The following MACROD2 variants were observed in gnomAD, a reference collection of about 807,000 sequenced individuals.
MACROD2 encodes the protein mono-ADP ribosylhydrolase 2, also known as ADP-ribose glycohydrolase MACROD2.
A neutral mutation model predicts 70.4 loss-of-function variants in MACROD2; 36 were observed. The observed-to-expected ratio is 0.51, with a 90% CI of 0.39 to 0.68. The LOEUF (loss-of-function observed/expected upper bound fraction) is 0.68, where lower values mean the gene tolerates loss of function less well. Ranked by LOEUF, MACROD2 falls within the 30% of genes least tolerant of loss-of-function variation. The pLI is 0.00. For missense variants in MACROD2, 496 were observed against 538.4 expected (o/e 0.92, Z 0.78); for synonymous variants, 172 against 178.8 (o/e 0.96, Z 0.30).
chr20:15,470,307 C>T (rs969646091), intron 7 of MACROD2, among the ~76,000 whole-genome samples: 1 of 152,202 alleles, frequency 6.6e-6, no homozygotes, highest in Non-Finnish European at 1.5e-5. Flanking sequence ...CCTATGCCTC[C>T]TAAAGTGCTG....
Position 15,762,798 on chromosome 20 carries a change from A to T in MACROD2, c.646-99947A>T, listed in dbSNP as rs993604586. ...TCCAGATATTCATGAGCACTACTAA[A>T]CGATCATTGCTATCTGAGTTTTGTC... On this transcript the variant is annotated intron_variant, in intron 8 of 17. Transcript: ENST00000684519. Among the ~76,000 whole-genome samples, 16 of 152,176 alleles carry T rather than the reference A, an allele frequency of 1.1e-4. 1 individual carries two copies. Among genetic ancestry groups the T allele is most frequent in the Admixed American group, 1.0e-3 (16 of 15,274 alleles).
intron 5 of MACROD2, among the ~76,000 whole-genome samples, chr20:14,934,355 C>G (rs1017776563): frequency 1.3e-5 from 2 of 152,144 alleles, no homozygotes; most frequent in African/African-American, 2.4e-5. Flanking sequence ...ATAATGAGAG[C>G]AGCAGCATAG....
intron 2 of MACROD2, among the ~76,000 whole-genome samples, chr20:14,012,003 A>C (rs989348798): frequency 1.3e-5 from 2 of 152,032 alleles, no homozygotes; most frequent in East Asian, 1.9e-4. Context: ...TCGCCTCCCA[A>C]GTTCAAGTGA....
chr20:14,745,234 T>TA (rs1169196748), intron 5 of MACROD2, among the ~76,000 whole-genome samples: 2 of 152,154 alleles, frequency 1.3e-5, no homozygotes, highest in South Asian at 2.1e-4. Flanking sequence ...TATATCCAAC[T>TA]AAAAAAATTA....
chr20:14,399,238 C>T (rs2083612917), intron 3 of MACROD2, among the ~76,000 whole-genome samples: 1 of 152,146 alleles, frequency 6.6e-6, no homozygotes, highest in Non-Finnish European at 1.5e-5. Flanking sequence ...TTAGGCTGGT[C>T]TTGAACTCCT....
chr20:14,543,670 G>A (rs2085459360), intron 4 of MACROD2, among the ~76,000 whole-genome samples: 1 of 152,096 alleles, frequency 6.6e-6, no homozygotes, highest in Non-Finnish European at 1.5e-5. Context: ...TCCTCAACTT[G>A]CAATAGGGTT....
chr20:15,786,617 C>A (rs533393170), intron 8 of MACROD2, among the ~76,000 whole-genome samples: 1 of 152,268 alleles, frequency 6.6e-6, no homozygotes, highest in Admixed American at 6.5e-5. Flanking sequence ...AATTATCTCA[C>A]ATATGCAAGA....
intron 7 of MACROD2, among the ~76,000 whole-genome samples, chr20:15,457,177 C>G (rs2146405561): frequency 6.8e-6 from 1 of 147,834 alleles, no homozygotes; most frequent in Non-Finnish European, 1.5e-5. Context: ...TTCTGAAATT[C>G]TAGTGCTCAA....
intron 3 of MACROD2, among the ~76,000 whole-genome samples, chr20:14,432,447 T>G (rs1189442747): frequency 6.6e-6 from 1 of 151,880 alleles, no homozygotes; most frequent in Non-Finnish European, 1.5e-5. Flanking sequence ...ATTCAATGCC[T>G]AAAGTAGTAT....
intron 8 of MACROD2, among the ~76,000 whole-genome samples, chr20:15,792,966 A>G (rs2063638371): frequency 6.6e-6 from 1 of 152,186 alleles, no homozygotes; most frequent in South Asian, 2.1e-4. Context: ...TGAAAGGCTA[A>G]ATAATCTTAA....
chr20:15,700,067 C>T (rs6034264), intron 8 of MACROD2, among the ~76,000 whole-genome samples: 14,990 of 152,168 alleles, frequency 0.099, 2,444 homozygotes, highest in African/African-American at 0.34. Flanking sequence ...GAGGGTCTCC[C>T]TTTCTCAGTT....
intron 8 of MACROD2, among the ~76,000 whole-genome samples, chr20:15,690,734 T>A (rs148807161): frequency 2.0e-4 from 31 of 152,308 alleles, no homozygotes; most frequent in Admixed American, 7.2e-4. Flanking sequence ...ATTAAACAAC[T>A]GTGGTCTTGC....
At chr20:15,447,779 T>C (rs2146387460) in intron 7 of MACROD2, among the ~76,000 whole-genome samples, 1 of 152,254 alleles carries the variant, frequency 6.6e-6, no homozygotes, top group East Asian at 1.9e-4. Context: ...GTAAAATCAA[T>C]GAAGCTGTTT....
At chr20:14,539,982 G>A (rs563944679) in intron 4 of MACROD2, among the ~76,000 whole-genome samples, 28 of 152,184 alleles carry the variant, frequency 1.8e-4, no homozygotes, top group Middle Eastern at 6.8e-3. Context: ...TTTTGAGACC[G>A]TTTTGCCCTT....
intron 3 of MACROD2, among the ~76,000 whole-genome samples, chr20:14,413,199 T>G (rs2083768474): frequency 6.6e-6 from 1 of 150,790 alleles, no homozygotes; most frequent in African/African-American, 2.4e-5. Flanking sequence ...ACCACTGTTT[T>G]TTTTTTTGTC....
intron 16 of MACROD2, 62 bp downstream of exon 16, chr20:16,041,340 A>T (rs2067305197): frequency 7.4e-7 from 1 of 1,342,778 alleles, no homozygotes; most frequent in East Asian, 2.4e-5. Context: ...TCTATGTGTA[A>T]TCTAGGATTA....
At chr20:14,796,758 T>C (rs1016132911) in intron 5 of MACROD2, among the ~76,000 whole-genome samples, 30 of 152,092 alleles carry the variant, frequency 2.0e-4, no homozygotes, top group African/African-American at 7.2e-4. Flanking sequence ...ATAGCTTTAA[T>C]ATATATCTTG....
chr20:15,477,099 G>GA (rs1555826355), intron 7 of MACROD2, among the ~76,000 whole-genome samples: 3 of 115,392 alleles, frequency 2.6e-5, no homozygotes, highest in African/African-American at 1.0e-4. Context: ...TCTATTTTTA[G>GA]TTTTTTTTTT....
intron 15 of MACROD2, among the ~76,000 whole-genome samples, chr20:16,021,007 G>T (rs1221346314): frequency 6.6e-6 from 1 of 152,128 alleles, no homozygotes; most frequent in East Asian, 1.9e-4. Flanking sequence ...GGTCAACAAA[G>T]ATCTCTCAGT....
Sources: allele counts gnomAD v4.1 joint callset (sites outside exome capture counted in the v4.1 genomes callset), GRCh38; gene constraint gnomAD v4.1.1; transcripts MANE v1.5; gene names NCBI Gene and HGNC (gene_info 2026-07-23, HGNC 2026-07-21).